NR5A2: variants seen among roughly 807,000 people sequenced by gnomAD.
NR5A2 encodes the protein CYP7A promoter-binding factor.
NR5A2 carries 26 observed loss-of-function variants against 62.7 expected under a neutral mutation model. That is an observed-to-expected ratio of 0.41 (90% CI 0.30 to 0.58). The LOEUF is 0.58. Ranked by LOEUF, NR5A2 falls within the 20% of genes least tolerant of loss-of-function variation. NR5A2 has a pLI of 0.22. For synonymous variants in NR5A2, 246 were observed against 241.7 expected (o/e 1.02, Z -0.16); for missense variants, 541 against 669.1 (o/e 0.81, Z 2.11).
Position 200,043,877 on chromosome 1 carries a change from C to A in NR5A2, c.306C>A (p.Thr102=). Residue 102 remains threonine (T), a synonymous_variant, in exon 3 of 8, where the codon ACC becomes ACA. Coordinates refer to ENST00000367362, the MANE Select transcript of NR5A2 (RefSeq NM_205860.3). The part of the protein sequence containing the change: ...KVSGYHYGLL[T]CESCKGFFKR... ...CTGGGTACCATTATGGGCTCCTCAC[C>A]TGTGAAAGCTGCAAGGTTTGCTCAC... 1 of 1,609,864 alleles carries A rather than the reference C, an allele frequency of 6.2e-7. No individual in the cohort carries two copies. Among genetic ancestry groups the A allele is most frequent in the Non-Finnish European group, 8.5e-7 (1 of 1,176,720 alleles).
chr1:200,056,964 T>C (rs1444592188), intron 5 of NR5A2, among the ~76,000 whole-genome samples: 1 of 152,250 alleles, frequency 6.6e-6, no homozygotes, highest in East Asian at 1.9e-4. Context: ...CGATATAGTC[T>C]GGTTTTGCAA....
At position 200,127,696 on chromosome 1, in the gene NR5A2, AAAAAAAAAAAAAAAT is replaced by A. The variant is rs1181083297; in HGVS notation, c.1378+6743_1378+6757del. Among the ~76,000 whole-genome samples, 54 of 93,604 alleles carry A rather than the reference AAAAAAAAAAAAAAAT, an allele frequency of 5.8e-4. 2 individuals carry two copies. Among genetic ancestry groups the A allele is most frequent in the South Asian group, 1.9e-3 (5 of 2,580 alleles). 61.4% of individuals were successfully genotyped at this position (93,604 alleles called of 152,430 possible). On this transcript the variant is annotated intron_variant, in intron 7 of 7. Coordinates refer to ENST00000367362, the MANE Select transcript of NR5A2 (RefSeq NM_205860.3). ...TGTCTCAAAAAAAAAAAAAAAAAAAAAAAAAAAAAAAAAATATATATATATATATATATATGGTAT... is the reference window on the plus strand; with the variant it reads ...TGTCTCAAAAAAAAAAAAAAAAAAAAATATATATATATATATATATGGTAT...
Position 200,075,912 on chromosome 1 carries a change from G to A in NR5A2, c.1110+27094G>A, listed in dbSNP as rs565389370. On this transcript the variant is annotated intron_variant, in intron 5 of 7. Transcript: ENST00000367362. ...TTTTCTTTTCTTTTTTTTTTGTTAA[G>A]AAACAATAGTGTTTATTTATCATGT... Among the ~76,000 whole-genome samples the A allele has an allele frequency of 1.3e-4, 11 of 85,368 alleles. 1 individual carries two copies. The South Asian group carries it at 3.8e-3, about 29-fold the overall frequency. 56.0% of individuals were successfully genotyped at this position (85,368 alleles called of 152,430 possible).
At chr1:200,138,202 G>A (rs1359915678) in intron 7 of NR5A2, among the ~76,000 whole-genome samples, 1 of 152,064 alleles carries the variant, frequency 6.6e-6, no homozygotes, top group Non-Finnish European at 1.5e-5. Flanking sequence ...GTAATATATT[G>A]TTGGACAATC....
At chr1:200,159,302 T>G (rs1293717000) in intron 7 of NR5A2, among the ~76,000 whole-genome samples, 1 of 152,328 alleles carries the variant, frequency 6.6e-6, no homozygotes, top group Non-Finnish European at 1.5e-5. Context: ...AGATGAGAAT[T>G]GAGGCCCAGG....
intron 5 of NR5A2, among the ~76,000 whole-genome samples, chr1:200,086,826 G>A (rs1204407881): frequency 6.6e-6 from 1 of 152,000 alleles, no homozygotes; most frequent in Non-Finnish European, 1.5e-5. Flanking sequence ...ATCAACTGAG[G>A]TACGGAGTTC....
chr1:200,085,629 G>A, intron 5 of NR5A2, among the ~76,000 whole-genome samples: 1 of 150,802 alleles, frequency 6.6e-6, no homozygotes, highest in East Asian at 1.9e-4. Context: ...ATTAGAGATG[G>A]TGTCTAGAGC....
intron 7 of NR5A2, among the ~76,000 whole-genome samples, chr1:200,152,643 A>G (rs1653183921): frequency 6.6e-6 from 1 of 152,166 alleles, no homozygotes. Context: ...GTTTTAGGGG[A>G]AGGGAGGAAT....
intron 5 of NR5A2, among the ~76,000 whole-genome samples, chr1:200,066,083 A>G (rs1019629633): frequency 1.3e-5 from 2 of 152,138 alleles, no homozygotes; most frequent in Non-Finnish European, 2.9e-5. Flanking sequence ...TCAGTAGAAA[A>G]ACTATTGCAC....
intron 7 of NR5A2, among the ~76,000 whole-genome samples, chr1:200,168,987 ATTT>A (rs1654044431): frequency 6.6e-6 from 1 of 152,154 alleles, no homozygotes; most frequent in Non-Finnish European, 1.5e-5. Context: ...GAAAAGAAGT[ATTT>A]TCTATGTGCA....
At chr1:200,089,004 A>T (rs2102248898) in intron 5 of NR5A2, among the ~76,000 whole-genome samples, 1 of 152,076 alleles carries the variant, frequency 6.6e-6, no homozygotes, top group East Asian at 1.9e-4. Context: ...CCCTCTACCC[A>T]ATCTTAAACA....
At chr1:200,032,255 G>A (rs1425328963) in intron 1 of NR5A2, among the ~76,000 whole-genome samples, 2 of 152,184 alleles carry the variant, frequency 1.3e-5, no homozygotes, top group Non-Finnish European at 1.5e-5. Flanking sequence ...GCTCTGGGGA[G>A]GCCCTGGGGA....
chr1:200,112,443 C>T (rs1342266064), intron 6 of NR5A2, among the ~76,000 whole-genome samples: 1 of 152,172 alleles, frequency 6.6e-6, no homozygotes, highest in African/African-American at 2.4e-5. Context: ...ATGGTGACTT[C>T]AGTACTCGGC....
At chr1:200,033,503 C>T (rs1661621455) in intron 1 of NR5A2, among the ~76,000 whole-genome samples, 2 of 152,280 alleles carry the variant, frequency 1.3e-5, no homozygotes, top group Admixed American at 1.3e-4. Flanking sequence ...GTGCTGGATT[C>T]CTTGCTCAGG....
intron 7 of NR5A2, among the ~76,000 whole-genome samples, chr1:200,149,309 G>A (rs1667880443): frequency 6.6e-6 from 1 of 152,222 alleles, no homozygotes; most frequent in African/African-American, 2.4e-5. Context: ...ATGAGTGTGG[G>A]TCGCAATAAC....
chr1:200,146,163 ATTCTTGAGT>A (rs1667689122), intron 7 of NR5A2, among the ~76,000 whole-genome samples: 1 of 152,216 alleles, frequency 6.6e-6, no homozygotes, highest in African/African-American at 2.4e-5. Context: ...CAACCATGAG[ATTCTTGAGT>A]TTCTAATTTG....
intron 5 of NR5A2, among the ~76,000 whole-genome samples, chr1:200,094,282 T>G (rs912497020): frequency 4.6e-5 from 7 of 151,248 alleles, no homozygotes; most frequent in Non-Finnish European, 8.8e-5. Context: ...AGCAAGGGGT[T>G]TAAGTGAGTC....
chr1:200,030,997 A>G (rs3790854), intron 1 of NR5A2, among the ~76,000 whole-genome samples: 41,756 of 152,134 alleles, frequency 0.27, 7,108 homozygotes, highest in East Asian at 0.72. Context: ...TGTGATAGCC[A>G]TTATGTCACC....
chr1:200,070,856 A>G (rs1449400380), intron 5 of NR5A2, among the ~76,000 whole-genome samples: 4 of 151,470 alleles, frequency 2.6e-5, no homozygotes, highest in Non-Finnish European at 5.9e-5. Flanking sequence ...GTACCTGAGC[A>G]GTTAGGATGC....
Sources: allele counts gnomAD v4.1 joint callset (sites outside exome capture counted in the v4.1 genomes callset), GRCh38; gene constraint gnomAD v4.1.1; transcripts MANE v1.5; gene names NCBI Gene and HGNC (gene_info 2026-07-23, HGNC 2026-07-21).